The following PLCZ1 variants were observed in gnomAD, a reference collection of about 807,000 sequenced individuals.
The protein encoded by PLCZ1 is 1-phosphatidylinositol 4,5-bisphosphate phosphodiesterase zeta-1.
A neutral mutation model predicts 76.8 loss-of-function variants in PLCZ1; 64 were observed. The observed-to-expected ratio is 0.83, with a 90% CI of 0.68 to 1.03. The LOEUF (loss-of-function observed/expected upper bound fraction) is 1.03, where lower values mean the gene tolerates loss of function less well. PLCZ1 is among the 50% of genes least tolerant of loss of function. The pLI, the probability that PLCZ1 is intolerant of heterozygous loss-of-function variation, is 0.00. For missense variants in PLCZ1, 751 were observed against 713.7 expected (o/e 1.05, Z -0.60); for synonymous variants, 248 against 230.8 (o/e 1.07, Z -0.68).
rs180747209 is a variant in PLCZ1 at position 18,724,964 on chromosome 12, G to A, written c.136-1422C>T. 3.5e-4 allele frequency among the ~76,000 whole-genome samples: 53 copies of A among 152,210 alleles called. No homozygotes were observed. The Middle Eastern group carries it at 0.01, about 29-fold the overall frequency. ...GAGTATAAGCTTGGTCATCCGAAAT[G>A]TTCTCTGATAATTTGTTTTGTCTCG... On this transcript the variant is annotated intron_variant, in intron 3 of 14. Transcript: ENST00000266505.
chr12:18,707,600 A>G (rs971156211), intron 6 of PLCZ1, among the ~76,000 whole-genome samples: 1 of 152,184 alleles, frequency 6.6e-6, no homozygotes, highest in Non-Finnish European at 1.5e-5. Flanking sequence ...GGTTTTTGGC[A>G]GTATAAGTCC....
chr12:18,667,141 G>T, the PLCZ1 span, among the ~76,000 whole-genome samples: 1 of 152,046 alleles, frequency 6.6e-6, no homozygotes, highest in African/African-American at 2.4e-5. Flanking sequence ...TATTGAAAGG[G>T]GTCTCAAATA....
intron 3 of PLCZ1, chr12:18,735,617 C>T (rs958306903): frequency 6.6e-6 from 1 of 152,378 alleles, no homozygotes; most frequent in African/African-American, 2.4e-5. Flanking sequence ...TTATATGGTT[C>T]TTGAAATTTC....
the PLCZ1 span, among the ~76,000 whole-genome samples, chr12:18,652,565 C>CTAATA: frequency 6.6e-6 from 1 of 152,110 alleles, no homozygotes; most frequent in Non-Finnish European, 1.5e-5. Flanking sequence ...TCCTAGCTAA[C>CTAATA]TAATATATTG....
At chr12:18,650,863 C>A in the PLCZ1 span, among the ~76,000 whole-genome samples, 1 of 150,730 alleles carries the variant, frequency 6.6e-6, no homozygotes, top group Non-Finnish European at 1.5e-5. Context: ...ATACTCTGGT[C>A]CAACTTACTG....
Position 18,692,973 on chromosome 12 carries a change from G to A in PLCZ1, c.1461+1937C>T, listed in dbSNP as rs1040125154. ...GTGCCAGTTAAAATTACTGAAGTTA[G>A]AGAGAATTAAAGACTATCTTCTCAT... On this transcript the variant is annotated intron_variant, in intron 12 of 14. Coordinates refer to ENST00000266505, the MANE Select transcript of PLCZ1 (RefSeq NM_033123.4). The A allele has an allele frequency of 4.9e-6, 7 of 1,439,772 alleles. No homozygotes were observed. The African/African-American group carries it at 9.8e-5, about 20-fold the overall frequency. The allele number at this position is 1,439,772 out of a possible 1,614,324, so 89.2% of individuals were successfully genotyped here.
rs938965161 is a variant in PLCZ1, at chr12:18,737,622, C to A, written c.-138-113G>T. The A allele has an allele frequency of 8.3e-6, 5 of 602,232 alleles. No homozygotes were observed. In the South Asian group the frequency reaches 9.6e-5, roughly 12 times the overall value. 37.3% of individuals were successfully genotyped at this position (602,232 alleles called of 1,614,324 possible). On this transcript the variant is annotated intron_variant, in intron 1 of 14. Transcript: ENST00000266505. ...AGATGTGGTACCTGCACTACCCTGC[C>A]CTTGAAACTGTTTGGCTTCTTACGT...
the PLCZ1 span, among the ~76,000 whole-genome samples, chr12:18,661,382 G>A: frequency 2.6e-5 from 4 of 151,914 alleles, no homozygotes. Flanking sequence ...AAAAAAGAGA[G>A]AGAGAGAATC....
rs79004312 is a variant in PLCZ1, at chr12:18,691,206, T to C, written c.1462-2988A>G. On this transcript the variant is annotated intron_variant, in intron 12 of 14. Coordinates refer to ENST00000266505, the MANE Select transcript of PLCZ1 (RefSeq NM_033123.4). ...GTGAAGGAGATGTGAAAGATTAGAA[T>C]GGTTCCCAATTTTCTAGTCCGAGCA... is the stretch of plus-strand genomic sequence containing the variant. 7.9e-5 allele frequency among the ~76,000 whole-genome samples: 12 copies of C among 152,228 alleles called. No homozygotes were observed. The East Asian group carries it at 2.3e-3, about 29-fold the overall frequency.
chr12:18,648,918 C>T, the PLCZ1 span, among the ~76,000 whole-genome samples: 37 of 152,116 alleles, frequency 2.4e-4, no homozygotes, highest in Middle Eastern at 6.8e-3. Flanking sequence ...TAAATCCCTG[C>T]TTATTCAATG....
chr12:18,698,060 GAAC>G (rs1565676607), intron 10 of PLCZ1, among the ~76,000 whole-genome samples: 2 of 151,756 alleles, frequency 1.3e-5, no homozygotes, highest in African/African-American at 4.8e-5. Context: ...CTGTCCTCAT[GAAC>G]AACATGAGGA....
the PLCZ1 span, among the ~76,000 whole-genome samples, chr12:18,669,639 G>A: frequency 1.4e-4 from 21 of 151,848 alleles, no homozygotes; most frequent in Admixed American, 1.3e-3. Flanking sequence ...ATGGCAGAGA[G>A]AGGAAGCTCT....
chr12:18,731,850 C>T (rs1959066227), intron 3 of PLCZ1, among the ~76,000 whole-genome samples: 1 of 152,048 alleles, frequency 6.6e-6, no homozygotes, highest in African/African-American at 2.4e-5. Flanking sequence ...TGTTAATGAT[C>T]TTTCCTTCTG....
intron 2 of PLCZ1, chr12:18,736,567 A>G: frequency 8.3e-7 from 1 of 1,209,368 alleles, no homozygotes; most frequent in Non-Finnish European, 1.1e-6. Context: ...AAATACAAAA[A>G]AAAGAATTAA....
At chr12:18,732,376 T>C (rs1211830049) in intron 3 of PLCZ1, among the ~76,000 whole-genome samples, 1 of 152,164 alleles carries the variant, frequency 6.6e-6, no homozygotes, top group Non-Finnish European at 1.5e-5. Flanking sequence ...GGTCTCGAAC[T>C]CGTGAGCTCA....
chr12:18,700,921 C>T (rs2137255669), intron 9 of PLCZ1, among the ~76,000 whole-genome samples: 1 of 152,040 alleles, frequency 6.6e-6, no homozygotes, highest in South Asian at 2.1e-4. Context: ...TGTATCTCTG[C>T]ATCTTTTGCA....
intron 7 of PLCZ1, among the ~76,000 whole-genome samples, chr12:18,703,100 A>C (rs1480452420): frequency 2.0e-5 from 3 of 152,214 alleles, no homozygotes; most frequent in Admixed American, 2.0e-4. Context: ...TTCTCTTCCA[A>C]GAAAGCTGAA....
At chr12:18,676,777 T>C in the PLCZ1 span, among the ~76,000 whole-genome samples, 1 of 152,042 alleles carries the variant, frequency 6.6e-6, no homozygotes, top group Admixed American at 6.6e-5. Flanking sequence ...TAATAGGTGT[T>C]AGAAAAACTA....
At position 18,683,766 on chromosome 12, in the gene PLCZ1, C is replaced by G. The variant is rs1193654323; in HGVS notation, c.1741+364G>C. On this transcript the variant is annotated intron_variant, in intron 14 of 14. Coordinates refer to ENST00000266505, the MANE Select transcript of PLCZ1 (RefSeq NM_033123.4). The stretch of plus-strand genomic sequence containing the variant: ...GAAAGGATAGTCTCAGGCTCCCAAT[C>G]TCTTCTCCTCAGGCAGGAAGAATGA... 4 of 564,402 alleles carry G rather than the reference C, an allele frequency of 7.1e-6. No homozygotes were observed. In the Admixed American group the frequency reaches 7.2e-5, roughly 10 times the overall value. The allele number at this position is 564,402 out of a possible 1,614,324, so 35.0% of individuals were successfully genotyped here.
Sources: allele counts gnomAD v4.1 joint callset (sites outside exome capture counted in the v4.1 genomes callset), GRCh38; gene constraint gnomAD v4.1.1; transcripts MANE v1.5; gene names NCBI Gene and HGNC (gene_info 2026-07-23, HGNC 2026-07-21).